The following STARD9 variants were observed in gnomAD, a reference collection of about 807,000 sequenced individuals.
The protein encoded by STARD9 is StAR related lipid transfer domain containing 9.
A neutral mutation model predicts 399.8 loss-of-function variants in STARD9; 346 were observed. That is an observed-to-expected ratio of 0.87 (90% confidence interval 0.79 to 0.95). STARD9 has a LOEUF of 0.95. STARD9 is among the 40% of genes least tolerant of loss of function. The pLI is 0.00. For missense variants in STARD9, 5,832 were observed against 5,667.5 expected (o/e 1.03, Z -0.93); for synonymous variants, 2,203 against 2,143.5 (o/e 1.03, Z -0.77).
Position 42,690,950 on chromosome 15 carries a change from T to G in STARD9, c.9372T>G (p.Asn3124Lys), listed in dbSNP as rs753722285. Residue 3124 changes from asparagine (N) to lysine (K), a missense_variant, in exon 23 of 33, where the codon AAT (asparagine) becomes AAG (lysine). Physicochemically the swap from Asn to Lys is moderately conservative, Grantham distance 94. Coordinates refer to ENST00000290607, the MANE Select transcript of STARD9 (RefSeq NM_020759.3). ...QFRDSSVGDQ[N>K]AQVCQTNPEP... ...GGGACAGCTCTGTAGGTGACCAGAA[T>G]GCACAGGTGTGTCAAACCAATCCAG... 1 of 1,537,156 alleles carries G rather than the reference T, an allele frequency of 6.5e-7. No homozygotes were observed. Among genetic ancestry groups the G allele is most frequent in the Non-Finnish European group, 8.7e-7 (1 of 1,146,900 alleles).
chr15:42,601,324 T>C (rs2058619869), intron 3 of STARD9, among the ~76,000 whole-genome samples: 1 of 152,176 alleles, frequency 6.6e-6, no homozygotes, highest in Admixed American at 6.5e-5. Flanking sequence ...TTTCCCCCTT[T>C]TCTATTCGAC....
chr15:42,719,048 C>G, intron 32 of STARD9, 138 bp downstream of exon 32: 1 of 717,908 alleles, frequency 1.4e-6, no homozygotes, highest in Non-Finnish European at 2.3e-6. Flanking sequence ...TGAGGGCTTC[C>G]TGGGCTTTTG....
chr15:42,586,295 T>C (rs1486189301), intron 3 of STARD9, among the ~76,000 whole-genome samples: 1 of 152,242 alleles, frequency 6.6e-6, no homozygotes, highest in Admixed American at 6.5e-5. Flanking sequence ...TCAGCCAGCC[T>C]GCAAGGTAGG....
chr15:42,585,561 A>G lies in STARD9; in HGVS notation c.158A>G (p.Lys53Arg), dbSNP rs201701873. The G allele has an allele frequency of 1.3e-3, 2,028 of 1,537,170 alleles. 3 individuals are homozygous for G. Among genetic ancestry groups the G allele is most frequent in the Non-Finnish European group, 1.7e-3 (1,896 of 1,146,876 alleles). Residue 53 changes from lysine to arginine, a missense_variant, in exon 3 of 33, where the codon AAG becomes AGG. Lys to Arg is a conservative substitution (Grantham distance 26). Around this residue, in one of 2 missense-constraint regions of STARD9, gnomAD observed 5,828 missense variants for 5,651.1 expected, o/e 1.03. Transcript: ENST00000290607. Reference protein sequence around the residue: ...RPDGFGDSREKVMAFGFDYCY... With the variant: ...RPDGFGDSRERVMAFGFDYCY... ...GATGGCTTTGGGGACTCCCGGGAGA[A>G]GGTTATGGCATTTGGCTTTGATTAC...
In STARD9 at chr15:42,712,090, T is replaced by TATATAAA. The variant is rs1566966065; in HGVS notation, c.13285-4582_13285-4581insAAATATA. On this transcript the variant is annotated intron_variant, in intron 26 of 32. Transcript: ENST00000290607. ...TATATATATATATATATTATATATA[T>TATATAAA]ATATATAATATATAATATATAATAT... 1.3e-3 allele frequency among the ~76,000 whole-genome samples: 8 copies of TATATAAA among 6,142 alleles called. 1 individual carries two copies. Among genetic ancestry groups the TATATAAA allele is most frequent in the Admixed American group, 3.3e-3 (1 of 300 alleles). The allele number at this position is 6,142 out of a possible 152,430, so 4.0% of individuals were successfully genotyped here.
chr15:42,578,943 G>A (rs1286171130), intron 1 of STARD9, among the ~76,000 whole-genome samples: 1 of 152,144 alleles, frequency 6.6e-6, no homozygotes, highest in Admixed American at 6.5e-5. Context: ...AAAACAAACA[G>A]GTTTCTTTCT....
rs1011115039 is a variant in STARD9 at position 42,690,788 on chromosome 15, C to A, written c.9210C>A (p.Phe3070Leu). The A allele has an allele frequency of 2.0e-6, 3 of 1,537,160 alleles. No individual in the cohort carries two copies. The African/African-American group carries it at 4.1e-5, about 21-fold the overall frequency. Reference sequence around the variant, plus strand: ...CTCCTGACGTGAGGACAGGTTCCTTCAGCCACTCAGCTACTGATGGAAGCG... The same window carrying A: ...CTCCTGACGTGAGGACAGGTTCCTTAAGCCACTCAGCTACTGATGGAAGCG... ...PSAPDVRTGS[F>L]SHSATDGSVG... is the part of the protein sequence containing the mutation. Residue 3070 changes from phenylalanine to leucine, a missense_variant, in exon 23 of 33, where the codon TTC becomes TTA. Coordinates refer to ENST00000290607, the MANE Select transcript of STARD9 (RefSeq NM_020759.3).
At chr15:42,666,686 G>T (rs2060108880) in intron 15 of STARD9, among the ~76,000 whole-genome samples, 1 of 152,214 alleles carries the variant, frequency 6.6e-6, no homozygotes, top group South Asian at 2.1e-4. Context: ...TATGCAGGAT[G>T]AATTGAAAGG....
chr15:42,689,205 G>A lies in STARD9; in HGVS notation c.7627G>A (p.Asp2543Asn). 1.3e-6 allele frequency: 2 copies of A among 1,537,286 alleles called. No individual in the cohort carries two copies. The highest frequency in any genetic ancestry group is 1.7e-4 in the Middle Eastern group (1 of 5,990). The change falls in exon 23 of 33, where the codon GAC becomes AAC. Residue 2543 changes from aspartate to asparagine, a missense_variant. Coordinates refer to ENST00000290607, the MANE Select transcript of STARD9 (RefSeq NM_020759.3). ...AGAGCCTAGGCTGTTGGAGCCCTCT[G>A]ACCATGCATCCATGTGCCTGGCCAT... ...SPEPRLLEPS[D>N]HASMCLAILE... is the part of the protein sequence containing the mutation.
At chr15:42,587,043 A>G (rs1023332725) in intron 3 of STARD9, among the ~76,000 whole-genome samples, 8 of 151,952 alleles carry the variant, frequency 5.3e-5, no homozygotes, top group African/African-American at 1.2e-4. Context: ...TTTTGTAGAG[A>G]CAGGTTTTCA....
chr15:42,664,084 C>G (rs551926095), intron 13 of STARD9, among the ~76,000 whole-genome samples, 167 bp downstream of exon 13: 8 of 152,150 alleles, frequency 5.3e-5, no homozygotes, highest in Non-Finnish European at 1.2e-4. Flanking sequence ...TCCTTCTTTC[C>G]TATCTCTACT....
chr15:42,664,823 CA>C (rs1566915750), intron 13 of STARD9, among the ~76,000 whole-genome samples: 10 of 151,468 alleles, frequency 6.6e-5, no homozygotes, highest in South Asian at 4.2e-4. Context: ...CACACACACA[CA>C]CCCCATACGT....
At chr15:42,699,441 T>G (rs2060915456) in intron 26 of STARD9, among the ~76,000 whole-genome samples, 1 of 147,104 alleles carries the variant, frequency 6.8e-6, no homozygotes, top group South Asian at 2.2e-4. Context: ...GTCGCCAGGC[T>G]GGAGTGCAGT....
rs966510485 is a variant in STARD9 at position 42,669,173 on chromosome 15, A to G, written c.1333A>G (p.Lys445Glu). 9.1e-5 allele frequency: 139 copies of G among 1,534,462 alleles called. No homozygotes were observed. Among genetic ancestry groups the G allele is most frequent in the Non-Finnish European group, 1.1e-4 (131 of 1,144,696 alleles). ...ACCTCTGCAGATAGACCAGCTGACT[A>G]AAGACTGGACCCAGAAGTGGAATGA... Reference protein sequence around the residue: ...QNELKIDQLTKDWTQKWNDWQ... With the variant: ...QNELKIDQLTEDWTQKWNDWQ... Residue 445 changes from lysine to glutamate, a missense_variant, in exon 16 of 33, where the codon AAA becomes GAA. Around this residue, in one of 2 missense-constraint regions of STARD9, gnomAD observed 5,828 missense variants for 5,651.1 expected, o/e 1.03. Coordinates refer to ENST00000290607, the MANE Select transcript of STARD9 (RefSeq NM_020759.3).
chr15:42,593,158 A>G (rs2058434454), intron 3 of STARD9, among the ~76,000 whole-genome samples: 1 of 152,212 alleles, frequency 6.6e-6, no homozygotes, highest in East Asian at 1.9e-4. Flanking sequence ...AGCAAGGCTC[A>G]TGATATTTTT....
chr15:42,686,196 A>G lies in STARD9; in HGVS notation c.4618A>G (p.Ser1540Gly). The G allele has an allele frequency of 6.5e-7, 1 of 1,537,634 alleles. No homozygotes were observed. Among genetic ancestry groups the G allele is most frequent in the Non-Finnish European group, 8.7e-7 (1 of 1,146,988 alleles). ...ATTGCCAGTTGGCCCTAGGGTATCT[A>G]GCAATCTGAATCTCAACAACTTTCC... The part of the protein sequence containing the change: ...TLLPVGPRVS[S>G]NLNLNNFPVH... The change falls in exon 23 of 33, where the codon AGC (serine) becomes GGC (glycine). Residue 1540 changes from serine to glycine, a missense_variant. Physicochemically the swap from Ser to Gly is moderately conservative, Grantham distance 56 (BLOSUM62 0). This residue lies in a region of STARD9 where 5,828 missense variants were observed against 5,651.1 expected (regional missense o/e 1.03). Transcript: ENST00000290607.
intron 26 of STARD9, among the ~76,000 whole-genome samples, chr15:42,707,766 A>G (rs2140366469): frequency 6.6e-6 from 1 of 152,338 alleles, no homozygotes; most frequent in South Asian, 2.1e-4. Flanking sequence ...TATACAGTAT[A>G]TAAATACAAC....
intron 20 of STARD9, 75 bp downstream of exon 20, chr15:42,676,050 T>TGGGG: frequency 1.3e-5 from 2 of 155,372 alleles, no homozygotes; most frequent in Non-Finnish European, 1.2e-5. Context: ...TGGATCAGGG[T>TGGGG]GGGGGTGGGG....
Position 42,682,489 on chromosome 15 carries a change from A to T in STARD9, c.2451A>T (p.Pro817=). Reference sequence around the variant, plus strand: ...TCCTCAGCCCTGATGCCACAGTCCCACGGCCTCCATGTAGAAGCAAATTGA... The same window carrying T: ...TCCTCAGCCCTGATGCCACAGTCCCTCGGCCTCCATGTAGAAGCAAATTGA... ...YQVLSPDATV[P]RPPCRSKLTS... is the part of the protein sequence containing the mutation. The change falls in exon 22 of 33, where the codon CCA becomes CCT. Residue 817 remains proline (P), a synonymous_variant. Transcript: ENST00000290607. The T allele has an allele frequency of 6.5e-7, 1 of 1,537,124 alleles. No individual in the cohort carries two copies. Among genetic ancestry groups the T allele is most frequent in the Non-Finnish European group, 8.7e-7 (1 of 1,146,882 alleles).
Sources: allele counts gnomAD v4.1 joint callset (sites outside exome capture counted in the v4.1 genomes callset), GRCh38; gene constraint gnomAD v4.1.1; regional missense constraint gnomAD v4.1.1; transcripts MANE v1.5; gene names NCBI Gene and HGNC (gene_info 2026-07-23, HGNC 2026-07-21).